The following GRIA3 variants were observed in gnomAD, a reference collection of about 807,000 sequenced individuals.
The protein encoded by GRIA3 is glutamate receptor 3.
In GRIA3, 3 loss-of-function variants were observed where a neutral mutation model predicts 63.0. The ratio of observed to expected loss-of-function variants is 0.05; its 90% CI spans 0.02 to 0.12. The LOEUF (loss-of-function observed/expected upper bound fraction) is 0.12, where lower values mean the gene tolerates loss of function less well. GRIA3 is among the 10% of genes least tolerant of loss of function. The probability of loss-of-function intolerance (pLI) is 1.00; values close to 1 mark genes in which losing one functional copy is unlikely to be tolerated. For synonymous variants in GRIA3, 274 were observed against 257.9 expected (o/e 1.06, Z -0.60); for missense variants, 347 against 700.9 (o/e 0.50, Z 5.70).
chrX:123,189,939 T>C (rs1453867439), intron 2 of GRIA3, among the ~76,000 whole-genome samples: 1 of 112,087 alleles, frequency 8.9e-6, no homozygotes, highest in Non-Finnish European at 1.9e-5. Context: ...CTACCAAATA[T>C]ACTTAGCTGA....
At chrX:123,333,439 A>T (rs1259705178) in intron 4 of GRIA3, among the ~76,000 whole-genome samples, 1 of 111,883 alleles carries the variant, frequency 8.9e-6, no homozygotes, top group East Asian at 2.8e-4. Flanking sequence ...AAGGGCTTAT[A>T]TTCAGAATAC....
At chrX:123,254,224 C>T (rs1442503542) in intron 3 of GRIA3, among the ~76,000 whole-genome samples, 2 of 111,732 alleles carry the variant, frequency 1.8e-5, no homozygotes, top group Non-Finnish European at 3.8e-5. Flanking sequence ...TATGCCCAGT[C>T]TCCTCTAATA....
chrX:123,352,749 C>T (rs2045104929), intron 4 of GRIA3, among the ~76,000 whole-genome samples: 1 of 111,063 alleles, frequency 9.0e-6, no homozygotes, highest in African/African-American at 3.3e-5. Flanking sequence ...TGAGAGTTGT[C>T]AGTTAATTAA....
At chrX:123,238,594 T>C (rs760629380) in intron 2 of GRIA3, among the ~76,000 whole-genome samples, 5 of 112,310 alleles carry the variant, frequency 4.5e-5, no homozygotes, top group African/African-American at 1.3e-4. Flanking sequence ...ACTACAAAGA[T>C]GCACCTTGGC....
intron 3 of GRIA3, among the ~76,000 whole-genome samples, chrX:123,283,957 C>T (rs771200109): frequency 8.9e-6 from 1 of 112,688 alleles, no homozygotes; most frequent in Non-Finnish European, 1.9e-5. Flanking sequence ...GACTAGGAGA[C>T]ACCTCCCAAC....
intron 5 of GRIA3, among the ~76,000 whole-genome samples, chrX:123,368,113 G>A (rs181754868): frequency 3.8e-4 from 42 of 111,808 alleles, no homozygotes; most frequent in African/African-American, 1.3e-3. Context: ...GGGACAGAGA[G>A]AAGTCTGAGT....
intron 2 of GRIA3, among the ~76,000 whole-genome samples, chrX:123,189,626 G>A (rs1201854634): frequency 1.8e-5 from 2 of 112,753 alleles, no homozygotes; most frequent in Non-Finnish European, 3.7e-5. Context: ...AAATGTGCTT[G>A]TGGATTACGC....
chrX:123,297,692 C>T (rs61180440), intron 3 of GRIA3, among the ~76,000 whole-genome samples: 2,384 of 111,488 alleles, frequency 0.021, 58 homozygotes, highest in African/African-American at 0.073. Flanking sequence ...ACCTTTGCTA[C>T]TTACTAGCTG....
rs1423744665 is a variant in GRIA3, at chrX:123,412,285, T to G, written c.1501-5117T>G. Reference sequence around the variant, plus strand: ...GAGCTCTCTTGGGACTGCCATAACATGATTGCCCCACATAAATTATGCCAA... The same window carrying G: ...GAGCTCTCTTGGGACTGCCATAACAGGATTGCCCCACATAAATTATGCCAA... On this transcript the variant is annotated intron_variant, in intron 10 of 15. Transcript: ENST00000620443. Among the ~76,000 whole-genome samples the G allele has an allele frequency of 3.6e-5, 4 of 111,920 alleles. No homozygotes were observed. In the Admixed American group the frequency reaches 3.8e-4, roughly 11 times the overall value.
intron 5 of GRIA3, among the ~76,000 whole-genome samples, chrX:123,357,305 G>C (rs2045139715): frequency 9.1e-6 from 1 of 110,320 alleles, no homozygotes; most frequent in Non-Finnish European, 1.9e-5. Flanking sequence ...TTGTCTTAAA[G>C]AGCGATCTGA....
At chrX:123,318,267 T>TC (rs200321386) in intron 3 of GRIA3, among the ~76,000 whole-genome samples, 4,991 of 111,760 alleles carry the variant, frequency 0.045, 265 homozygotes, top group African/African-American at 0.15. Flanking sequence ...GGAGACATTT[T>TC]CCCCCCATGG....
intron 3 of GRIA3, among the ~76,000 whole-genome samples, chrX:123,319,007 G>C (rs1044435227): frequency 9.0e-6 from 1 of 111,619 alleles, no homozygotes; most frequent in Non-Finnish European, 1.9e-5. Flanking sequence ...AAAATGAGGA[G>C]GAAGCAAAAG....
chrX:123,288,401 C>T (rs768438702), intron 3 of GRIA3, among the ~76,000 whole-genome samples: 1 of 112,355 alleles, frequency 8.9e-6, no homozygotes, highest in South Asian at 3.7e-4. Context: ...GCAACAAAAG[C>T]CAGAATTGAC....
At chrX:123,398,494 C>A in intron 6 of GRIA3, 142 bp from the exon 7 acceptor site, 1 of 498,583 alleles carries the variant, frequency 2.0e-6, no homozygotes, top group Non-Finnish European at 3.5e-6. Context: ...CGAATTCAGG[C>A]TTGCCCAGAG....
intron 2 of GRIA3, among the ~76,000 whole-genome samples, chrX:123,205,511 A>T (rs936329439): frequency 1.4e-4 from 16 of 112,063 alleles, no homozygotes; most frequent in African/African-American, 4.6e-4. Flanking sequence ...TTCCTAGGCT[A>T]CTGAAGATAG....
At chrX:123,224,865 G>A (rs2044237567) in intron 2 of GRIA3, among the ~76,000 whole-genome samples, 1 of 111,594 alleles carries the variant, frequency 9.0e-6, no homozygotes, top group African/African-American at 3.3e-5. Context: ...ACTATTTCTT[G>A]TAGCTGGAAG....
chrX:123,348,503 A>T (rs1402173489), intron 4 of GRIA3, among the ~76,000 whole-genome samples: 1 of 111,972 alleles, frequency 8.9e-6, no homozygotes, highest in Non-Finnish European at 1.9e-5. Context: ...TCCAAAAAAA[A>T]TCTAGAATAT....
At chrX:123,385,644 T>C (rs1467743440) in intron 5 of GRIA3, among the ~76,000 whole-genome samples, 2 of 112,449 alleles carry the variant, frequency 1.8e-5, no homozygotes, top group Non-Finnish European at 3.8e-5. Context: ...TTCCATTTGT[T>C]TGTGTCATCT....
chrX:123,190,680 T>C (rs1202208146), intron 2 of GRIA3, among the ~76,000 whole-genome samples: 1 of 111,743 alleles, frequency 8.9e-6, no homozygotes, highest in Non-Finnish European at 1.9e-5. Context: ...TGGGCCATGG[T>C]TTTTCTCCCT....
Sources: gnomAD v4.1 joint callset for allele counts (sites outside exome capture counted in the v4.1 genomes callset) on GRCh38, gnomAD v4.1.1 for gene constraint, MANE v1.5 for transcripts, NCBI Gene and HGNC (gene_info 2026-07-23, HGNC 2026-07-21) for gene names.